The following ACYP2 variants were observed in gnomAD, a reference collection of about 807,000 sequenced individuals.
ACYP2 encodes the protein acylphosphatase-2.
Under a neutral mutation model 11.2 loss-of-function variants are expected in ACYP2, and 12 were observed. The observed-to-expected ratio is 1.08, with a 90% CI of 0.69 to 1.74. ACYP2 has a LOEUF of 1.74. ACYP2 is among the 40% of genes most tolerant of loss of function. The pLI is 0.00. For missense variants in ACYP2, 134 were observed against 101.9 expected (o/e 1.31, Z -1.35); for synonymous variants, 43 against 32.2 (o/e 1.33, Z -1.13).
intron 4 of ACYP2, among the ~76,000 whole-genome samples, chr2:54,086,797 G>T (rs895421553): frequency 1.3e-5 from 2 of 152,190 alleles, no homozygotes; most frequent in Admixed American, 1.3e-4. Context: ...TTAAACTGAA[G>T]GATTTTTGTG....
intron 2 of ACYP2, among the ~76,000 whole-genome samples, chr2:54,009,513 G>T (rs1673251216): frequency 6.6e-6 from 1 of 152,174 alleles, no homozygotes; most frequent in Admixed American, 6.5e-5. Flanking sequence ...GGTGGAGGTT[G>T]CAGTGAGCCA....
At chr2:54,198,172 A>G (rs2103901547) in intron 6 of ACYP2, among the ~76,000 whole-genome samples, 1 of 152,114 alleles carries the variant, frequency 6.6e-6, no homozygotes, top group African/African-American at 2.4e-5. Context: ...GGCCTGCGCC[A>G]CTGCACATGG....
At chr2:54,116,715 C>T (rs756892076) in intron 4 of ACYP2, among the ~76,000 whole-genome samples, 7 of 152,050 alleles carry the variant, frequency 4.6e-5, no homozygotes, top group Admixed American at 1.3e-4. Context: ...TAGAAGGGTG[C>T]GACTCGCGGA....
intron 2 of ACYP2, among the ~76,000 whole-genome samples, chr2:53,974,917 A>G (rs1429290457): frequency 6.6e-6 from 1 of 152,162 alleles, no homozygotes; most frequent in Non-Finnish European, 1.5e-5. Flanking sequence ...AGGAGAAGAG[A>G]GATGTCAAGA....
chr2:54,201,577 CTTCTTTTTCTTTCT>C (rs1558608255), intron 6 of ACYP2, among the ~76,000 whole-genome samples: 42 of 130,082 alleles, frequency 3.2e-4, no homozygotes, highest in African/African-American at 1.1e-3. Flanking sequence ...TGATAGCCAG[CTTCTTTTTCTTTCT>C]TTCTCTTTCT....
At chr2:54,055,318 C>G (rs867346125) in intron 3 of ACYP2, among the ~76,000 whole-genome samples, 38 of 152,174 alleles carry the variant, frequency 2.5e-4, no homozygotes, top group African/African-American at 8.7e-4. Context: ...TTACAGGCAC[C>G]CAGCCTGGTT....
chr2:53,981,657 T>G (rs967643538), intron 2 of ACYP2, among the ~76,000 whole-genome samples: 14 of 152,206 alleles, frequency 9.2e-5, no homozygotes, highest in African/African-American at 3.4e-4. Flanking sequence ...TACTTAGTTT[T>G]GGAAAGTTGG....
At chr2:54,114,254 C>G (rs963025243) in intron 4 of ACYP2, among the ~76,000 whole-genome samples, 2 of 152,040 alleles carry the variant, frequency 1.3e-5, no homozygotes, top group African/African-American at 2.4e-5. Context: ...TTATCAATAG[C>G]TGTATCCAGA....
intron 6 of ACYP2, among the ~76,000 whole-genome samples, chr2:54,261,443 C>T (rs570336868): frequency 2.0e-5 from 3 of 152,110 alleles, no homozygotes; most frequent in South Asian, 4.2e-4. Context: ...GAAGGAAGAA[C>T]GATATGGCTT....
intron 2 of ACYP2, among the ~76,000 whole-genome samples, chr2:53,981,250 T>A (rs941280926): frequency 7.9e-5 from 12 of 152,114 alleles, no homozygotes; most frequent in Non-Finnish European, 1.5e-4. Context: ...ATTTGAACAA[T>A]GATTTGGACA....
intron 2 of ACYP2, among the ~76,000 whole-genome samples, chr2:54,014,288 G>T (rs1228644622): frequency 6.6e-6 from 1 of 151,910 alleles, no homozygotes; most frequent in Admixed American, 6.6e-5. Flanking sequence ...GTGGGGCTAG[G>T]GTCAGGATTA....
chr2:54,250,749 T>C (rs367696562), intron 6 of ACYP2, among the ~76,000 whole-genome samples: 7 of 152,212 alleles, frequency 4.6e-5, no homozygotes, highest in African/African-American at 7.2e-5. Context: ...CCCAAATACA[T>C]TGCTGTATAC....
chr2:54,096,167 C>T (rs1449454743), intron 4 of ACYP2, among the ~76,000 whole-genome samples: 17 of 143,160 alleles, frequency 1.2e-4, no homozygotes, highest in African/African-American at 4.5e-4. Flanking sequence ...GGGGCGGCTG[C>T]CGGGTGGAGG....
At chr2:54,058,080 A>G (rs1339087378) in intron 4 of ACYP2, among the ~76,000 whole-genome samples, 1 of 152,158 alleles carries the variant, frequency 6.6e-6, no homozygotes. Context: ...TGAGGGAGGT[A>G]GGGCATATGA....
chr2:53,990,425 G>C (rs1475180180), intron 2 of ACYP2, among the ~76,000 whole-genome samples: 1 of 151,876 alleles, frequency 6.6e-6, no homozygotes, highest in Non-Finnish European at 1.5e-5. Context: ...GAGGCAGGTG[G>C]ATCACCTGAG....
At chr2:54,123,165 A>G (rs1680255650) in intron 4 of ACYP2, 1 of 391,932 alleles carries the variant, frequency 2.6e-6, no homozygotes, top group Non-Finnish European at 4.5e-6. Flanking sequence ...CAGGGTAGAA[A>G]GTAGCCAGGA....
chr2:54,294,616 T>C (rs1689444411), intron 6 of ACYP2, among the ~76,000 whole-genome samples: 1 of 152,136 alleles, frequency 6.6e-6, no homozygotes, highest in East Asian at 1.9e-4. Flanking sequence ...GTTTCTTCTC[T>C]TCACAAATCT....
intron 6 of ACYP2, among the ~76,000 whole-genome samples, chr2:54,190,571 C>G (rs569621012): frequency 6.6e-6 from 1 of 152,044 alleles, no homozygotes; most frequent in African/African-American, 2.4e-5. Flanking sequence ...TGCCAGGATA[C>G]TCTACTGCCA....
At chr2:54,150,753 T>A (rs1682123593) in intron 6 of ACYP2, among the ~76,000 whole-genome samples, 2 of 146,846 alleles carry the variant, frequency 1.4e-5, no homozygotes, top group South Asian at 2.2e-4. Flanking sequence ...TTTTTTTTTT[T>A]TTTTGTGAGA....
Sources: allele counts gnomAD v4.1 joint callset (sites outside exome capture counted in the v4.1 genomes callset), GRCh38; gene constraint gnomAD v4.1.1; transcripts MANE v1.5; gene names NCBI Gene and HGNC (gene_info 2026-07-23, HGNC 2026-07-21).